GRID2: variants seen among roughly 807,000 people sequenced by gnomAD.
GRID2 encodes glutamate ionotropic receptor delta type subunit 2.
Under a neutral mutation model 114.8 loss-of-function variants are expected in GRID2, and 33 were observed. The ratio of observed to expected loss-of-function variants is 0.29; its 90% confidence interval spans 0.22 to 0.38. The LOEUF (loss-of-function observed/expected upper bound fraction) is 0.38, where lower values mean the gene tolerates loss of function less well. GRID2 is among the 10% of genes least tolerant of loss of function. The pLI, the probability that GRID2 is intolerant of heterozygous loss-of-function variation, is 1.00. For missense variants in GRID2, 1,184 were observed against 1,257.7 expected, an observed-to-expected ratio of 0.94 and a Z score of 0.89; for synonymous variants, 505 against 449.9, an observed-to-expected ratio of 1.12 and a Z score of -1.55.
chr4:92,725,178 G>A (rs938440297), intron 2 of GRID2, among the ~76,000 whole-genome samples: 17 of 152,090 alleles, frequency 1.1e-4, no homozygotes, highest in African/African-American at 3.6e-4. Flanking sequence ...GCACATGCCT[G>A]TAATCCTAGC....
chr4:93,412,844 G>A (rs566185563), intron 9 of GRID2, among the ~76,000 whole-genome samples: 1 of 152,276 alleles, frequency 6.6e-6, no homozygotes, highest in South Asian at 2.1e-4. Context: ...AGAACATGAA[G>A]TGTTTGGTTG....
At chr4:92,344,665 T>A (rs1727677896) in intron 1 of GRID2, among the ~76,000 whole-genome samples, 1 of 152,102 alleles carries the variant, frequency 6.6e-6, no homozygotes, top group Admixed American at 6.5e-5. Context: ...CTCAGATCAG[T>A]TGGAACCTCA....
At chr4:93,059,859 T>C (rs929776511) in intron 2 of GRID2, among the ~76,000 whole-genome samples, 8 of 152,044 alleles carry the variant, frequency 5.3e-5, no homozygotes, top group African/African-American at 1.7e-4. Flanking sequence ...TATCACCTTA[T>C]TACTGGATAA....
At chr4:92,949,408 C>A (rs1385661848) in intron 2 of GRID2, among the ~76,000 whole-genome samples, 2 of 151,708 alleles carry the variant, frequency 1.3e-5, no homozygotes, top group East Asian at 3.9e-4. Context: ...TGTGCTGCAC[C>A]CAGTAACTCA....
intron 3 of GRID2, among the ~76,000 whole-genome samples, chr4:93,101,820 G>A (rs1314972933): frequency 6.6e-6 from 1 of 152,070 alleles, no homozygotes; most frequent in Non-Finnish European, 1.5e-5. Context: ...CTGAGAAATT[G>A]ATGGTTGCTA....
At chr4:93,453,077 G>A (rs924152775) in intron 10 of GRID2, among the ~76,000 whole-genome samples, 7 of 131,064 alleles carry the variant, frequency 5.3e-5, no homozygotes, top group African/African-American at 1.8e-4. Flanking sequence ...TGTGATGTTC[G>A]CCTTCCTGTG....
intron 2 of GRID2, among the ~76,000 whole-genome samples, chr4:92,759,900 G>A (rs1737908574): frequency 6.6e-6 from 1 of 151,462 alleles, no homozygotes; most frequent in Admixed American, 6.6e-5. Flanking sequence ...TGCTGGGACT[G>A]CAGGTGTGCA....
intron 8 of GRID2, among the ~76,000 whole-genome samples, chr4:93,267,217 A>T (rs1256573538): frequency 6.8e-6 from 1 of 146,430 alleles, no homozygotes; most frequent in Non-Finnish European, 1.5e-5. Context: ...TTTAAGTTTT[A>T]GGGTACATGT....
At chr4:92,373,066 A>T (rs1015132226) in intron 1 of GRID2, among the ~76,000 whole-genome samples, 1 of 152,194 alleles carries the variant, frequency 6.6e-6, no homozygotes, top group Non-Finnish European at 1.5e-5. Context: ...GTTAGAAAGG[A>T]CGTATTATAG....
At chr4:93,170,347 G>T (rs1250991221) in intron 4 of GRID2, among the ~76,000 whole-genome samples, 1 of 152,142 alleles carries the variant, frequency 6.6e-6, no homozygotes, top group Non-Finnish European at 1.5e-5. Context: ...GACTCCCAAA[G>T]TGCTGGGATT....
At chr4:93,779,083 C>T (rs1734427437), downstream of GRID2, among the ~76,000 whole-genome samples, 1 of 152,032 alleles carries the variant, frequency 6.6e-6, no homozygotes, top group Admixed American at 6.6e-5. Flanking sequence ...GTACAGCCTC[C>T]AAAGTTTTTG....
chr4:92,861,728 A>C (rs1179538697), intron 2 of GRID2, among the ~76,000 whole-genome samples: 1 of 152,044 alleles, frequency 6.6e-6, no homozygotes, highest in African/African-American at 2.4e-5. Flanking sequence ...GAAGAAATGA[A>C]AGCAAATTCT....
intron 12 of GRID2, among the ~76,000 whole-genome samples, chr4:93,492,994 T>C (rs913940278): frequency 6.6e-6 from 1 of 151,904 alleles, no homozygotes; most frequent in African/African-American, 2.4e-5. Context: ...TGATATCATA[T>C]AATATTTGTC....
At chr4:93,549,588 A>G (rs1160924703) in intron 13 of GRID2, among the ~76,000 whole-genome samples, 2 of 151,904 alleles carry the variant, frequency 1.3e-5, no homozygotes, top group African/African-American at 4.8e-5. Context: ...ATAAGTGTCC[A>G]ATGCCCAGTG....
At chr4:93,466,047 G>C (rs1055894826) in intron 11 of GRID2, among the ~76,000 whole-genome samples, 2 of 152,000 alleles carry the variant, frequency 1.3e-5, no homozygotes, top group African/African-American at 4.8e-5. Context: ...CTTAGGTTTT[G>C]GGGGGATTAA....
intron 2 of GRID2, among the ~76,000 whole-genome samples, chr4:93,081,409 C>T (rs1222652701): frequency 6.6e-6 from 1 of 152,086 alleles, no homozygotes; most frequent in Non-Finnish European, 1.5e-5. Flanking sequence ...TGTTAGTGTA[C>T]ATGAATATAT....
chr4:93,115,092 T>TG (rs1733110300), intron 4 of GRID2, among the ~76,000 whole-genome samples: 1 of 142,692 alleles, frequency 7.0e-6, no homozygotes, highest in African/African-American at 2.5e-5. Context: ...CTGTGTGTGC[T>TG]TGTGTGTGTG....
In GRID2 at chr4:93,517,954, TATGTATGTATATACATACATGTAC is replaced by T. The variant is rs1291262618; in HGVS notation, c.2193+2567_2193+2590del. Among the ~76,000 whole-genome samples the T allele has an allele frequency of 4.1e-3, 180 of 43,400 alleles. 1 individual carries two copies. The highest frequency in any genetic ancestry group is 0.011 in the African/African-American group (145 of 12,818). 28.5% of individuals were successfully genotyped at this position (43,400 alleles called of 152,430 possible). A position where few individuals can be genotyped will look rare whatever the true frequency, so the allele number is the denominator to read the frequency against. ...ATATGTATGTATATACATACATGTA[TATGTATGTATATACATACATGTAC>T]ATGTATGTATATACATACATGTATA... On this transcript the variant is annotated intron_variant, in intron 13 of 15. Transcript: ENST00000282020.
intron 14 of GRID2, among the ~76,000 whole-genome samples, chr4:93,766,858 C>G (rs2110328697): frequency 6.6e-6 from 1 of 152,216 alleles, no homozygotes; most frequent in Admixed American, 6.5e-5. Context: ...ATGTACAATA[C>G]AGTATTGCTA....
Sources: allele counts gnomAD v4.1 joint callset (sites outside exome capture counted in the v4.1 genomes callset), GRCh38; gene constraint gnomAD v4.1.1; transcripts MANE v1.5; gene names NCBI Gene and HGNC (gene_info 2026-07-23, HGNC 2026-07-21).